Variants in NUMB observed in about 807,000 individuals in gnomAD.
NUMB encodes the protein NUMB endocytic adaptor protein, also known as protein numb homolog.
Under a neutral mutation model 59.7 loss-of-function variants are expected in NUMB, and 29 were observed. The observed-to-expected ratio is 0.49, with a 90% CI of 0.36 to 0.66. The LOEUF is 0.66. Ranked by LOEUF, NUMB falls within the 30% of genes least tolerant of loss-of-function variation. The pLI, the probability that NUMB is intolerant of heterozygous loss-of-function variation, is 0.00. For synonymous variants in NUMB, 288 were observed against 288.2 expected (o/e 1.00, Z 0.01); for missense variants, 723 against 822.0 (o/e 0.88, Z 1.47).
chr14:73,373,488 G>C (rs1333824413), intron 2 of NUMB, among the ~76,000 whole-genome samples: 1 of 152,132 alleles, frequency 6.6e-6, no homozygotes, highest in Non-Finnish European at 1.5e-5. Flanking sequence ...TGGTGCTTAG[G>C]ATACTTCAGT....
chr14:73,380,872 G>A (rs941319851), intron 2 of NUMB, among the ~76,000 whole-genome samples: 4 of 151,916 alleles, frequency 2.6e-5, no homozygotes, highest in African/African-American at 9.7e-5. Context: ...TTACAGGTGC[G>A]TGCTACCACA....
At chr14:73,288,192 T>C (rs1026117312) in intron 8 of NUMB, among the ~76,000 whole-genome samples, 20 of 152,184 alleles carry the variant, frequency 1.3e-4, no homozygotes, top group South Asian at 1.0e-3. Context: ...GATGGGCAAA[T>C]TGCTTGAGCC....
At chr14:73,414,701 G>A (rs574069188) in intron 1 of NUMB, among the ~76,000 whole-genome samples, 2 of 152,180 alleles carry the variant, frequency 1.3e-5, no homozygotes, top group East Asian at 1.9e-4. Context: ...GATAATGACC[G>A]GTTTTTCTGG....
chr14:73,407,047 T>C (rs1896705307), intron 2 of NUMB, among the ~76,000 whole-genome samples: 1 of 152,026 alleles, frequency 6.6e-6, no homozygotes, highest in African/African-American at 2.4e-5. Context: ...TTCACTATTT[T>C]GGCCAGGCTG....
chr14:73,373,927 A>G (rs1989331), intron 2 of NUMB, among the ~76,000 whole-genome samples: 121,923 of 151,918 alleles, frequency 0.8, 49,506 homozygotes, highest in African/African-American at 0.93. Flanking sequence ...GGAGTGCAAC[A>G]GTGTGATCTC....
chr14:73,285,781 C>T (rs570442516), intron 9 of NUMB, among the ~76,000 whole-genome samples: 2 of 152,096 alleles, frequency 1.3e-5, no homozygotes, highest in East Asian at 3.9e-4. Context: ...CAAACATTAG[C>T]TGGGTGTGGT....
intron 1 of NUMB, among the ~76,000 whole-genome samples, chr14:73,423,458 T>C (rs769926800): frequency 1.3e-5 from 2 of 151,472 alleles, no homozygotes; most frequent in Admixed American, 1.3e-4. Flanking sequence ...GGCACCAACA[T>C]GGCAAAAGCC....
chr14:73,321,921 G>GT (rs1371524460), intron 5 of NUMB, among the ~76,000 whole-genome samples: 2 of 151,874 alleles, frequency 1.3e-5, no homozygotes, highest in African/African-American at 4.8e-5. Flanking sequence ...ACAGATTCAG[G>GT]TATTTATCCC....
chr14:73,414,116 GGCTAATATTTTT>G lies in NUMB; in HGVS notation c.-232-4060_-232-4049del. ...ACTACAGGCACATGCCACCACACTC[GGCTAATATTTTT>G]GTATTTTTAGTAGAGACGGGGTTTC... On this transcript the variant is annotated intron_variant, in intron 1 of 12. Transcript: ENST00000555238. Among the ~76,000 whole-genome samples, 2 of 151,762 alleles carry G rather than the reference GGCTAATATTTTT, an allele frequency of 1.3e-5. 1 individual carries two copies. The highest frequency in any genetic ancestry group is 4.2e-4 in the South Asian group (2 of 4,798).
rs1321404745 is a variant in NUMB, at chr14:73,458,518, G to C, written c.-258C>G. 1.3e-5 allele frequency: 2 copies of C among 152,146 alleles called. No individual in the cohort carries two copies. The highest frequency in any genetic ancestry group is 2.4e-5 in the African/African-American group (1 of 41,322). The allele number at this position is 152,146 out of a possible 1,614,324, so 9.4% of individuals were successfully genotyped here. On this transcript the variant is annotated 5_prime_UTR_variant, in exon 1 of 13. Coordinates refer to ENST00000555238, the MANE Select transcript of NUMB (RefSeq NM_001005743.2). ...CTGCCGCTGCCCCCGACCAACTCAA[G>C]CGCCACTGCCTCTACCTCGGCCGCC...
chr14:73,297,619 C>A (rs1236916641), intron 6 of NUMB: 10 of 193,544 alleles, frequency 5.2e-5, no homozygotes, highest in Admixed American at 1.1e-4. Flanking sequence ...TTAAAAAAAT[C>A]AACCAAGAAA....
chr14:73,362,583 C>G (rs1164910382), intron 3 of NUMB, among the ~76,000 whole-genome samples: 1 of 152,052 alleles, frequency 6.6e-6, no homozygotes, highest in Non-Finnish European at 1.5e-5. Context: ...GCTAGGACTA[C>G]AGGTGCGCAC....
At chr14:73,402,776 G>GTT (rs778099521) in intron 2 of NUMB, among the ~76,000 whole-genome samples, 25 of 152,106 alleles carry the variant, frequency 1.6e-4, no homozygotes, top group Non-Finnish European at 2.5e-4. Context: ...TTCAAGCCAA[G>GTT]TTTCACTTTG....
At chr14:73,374,153 A>G (rs1333584435) in intron 2 of NUMB, among the ~76,000 whole-genome samples, 1 of 152,120 alleles carries the variant, frequency 6.6e-6, no homozygotes, top group African/African-American at 2.4e-5. Context: ...TATAGGCGTG[A>G]GCCACCACGC....
intron 12 of NUMB, among the ~76,000 whole-genome samples, chr14:73,278,621 T>G (rs2139791659): frequency 1.4e-5 from 1 of 73,476 alleles, no homozygotes; most frequent in Middle Eastern, 4.8e-3. Flanking sequence ...TAGCACTTTT[T>G]GTAGGCCTCC....
At chr14:73,444,914 T>C (rs1415928537) in intron 1 of NUMB, among the ~76,000 whole-genome samples, 1 of 150,876 alleles carries the variant, frequency 6.6e-6, no homozygotes, top group Non-Finnish European at 1.5e-5. Flanking sequence ...TTAAGAACTC[T>C]AGATACCTGC....
intron 1 of NUMB, among the ~76,000 whole-genome samples, chr14:73,422,831 A>C (rs571615459): frequency 6.6e-6 from 1 of 150,834 alleles, no homozygotes; most frequent in Non-Finnish European, 1.5e-5. Context: ...CCCACCTCCA[A>C]CCTGGGAATC....
At chr14:73,323,364 A>C in intron 4 of NUMB, 160 bp from the exon 5 acceptor site, 2 of 520,130 alleles carry the variant, frequency 3.8e-6, no homozygotes, top group South Asian at 5.5e-5. Context: ...GATAAGAGAC[A>C]CACAACCTGT....
intron 3 of NUMB, among the ~76,000 whole-genome samples, chr14:73,365,011 T>C (rs183342943): frequency 2.6e-5 from 4 of 152,034 alleles, no homozygotes; most frequent in Non-Finnish European, 5.9e-5. Context: ...AGAGGAAAAA[T>C]ACACCATTCA....
Sources: gnomAD v4.1 joint callset for allele counts (sites outside exome capture counted in the v4.1 genomes callset) on GRCh38, gnomAD v4.1.1 for gene constraint, MANE v1.5 for transcripts, NCBI Gene and HGNC (gene_info 2026-07-23, HGNC 2026-07-21) for gene names.